The following SLC35F1 variants were observed in gnomAD, a reference collection of about 807,000 sequenced individuals.
SLC35F1 encodes the protein chromosome 6 open reading frame 169.
SLC35F1 carries 14 observed loss-of-function variants against 48.7 expected under a neutral mutation model. The observed-to-expected ratio is 0.29, with a 90% confidence interval of 0.19 to 0.45. The LOEUF is 0.45. SLC35F1 is among the 20% of genes least tolerant of loss of function. The probability of loss-of-function intolerance (pLI) is 1.00; values close to 1 mark genes in which losing one functional copy is unlikely to be tolerated. For missense variants in SLC35F1, 404 were observed against 500.0 expected (o/e 0.81, Z 1.83); for synonymous variants, 190 against 202.2 (o/e 0.94, Z 0.51).
chr6:118,183,485 TATA>T (rs906834648), intron 2 of SLC35F1, among the ~76,000 whole-genome samples: 5 of 151,700 alleles, frequency 3.3e-5, no homozygotes, highest in Non-Finnish European at 7.4e-5. Context: ...AAACTTAAAG[TATA>T]ATAATAATAA....
chr6:118,172,923 G>A (rs376075050), intron 2 of SLC35F1, among the ~76,000 whole-genome samples: 54 of 152,210 alleles, frequency 3.5e-4, no homozygotes, highest in African/African-American at 1.1e-3. Context: ...CAACTTGGAT[G>A]AACATTGACA....
At chr6:117,984,078 A>G (rs1776817055) in intron 1 of SLC35F1, among the ~76,000 whole-genome samples, 1 of 152,218 alleles carries the variant, frequency 6.6e-6, no homozygotes, top group African/African-American at 2.4e-5. Flanking sequence ...TTTACTTTGA[A>G]AAAACTCCTT....
At chr6:118,261,849 C>A (rs942079630) in intron 3 of SLC35F1, among the ~76,000 whole-genome samples, 1 of 152,128 alleles carries the variant, frequency 6.6e-6, no homozygotes, top group Non-Finnish European at 1.5e-5. Context: ...CCCTCTGGGG[C>A]TGGGATGTGC....
At chr6:117,917,909 T>G (rs1364439377) in intron 1 of SLC35F1, among the ~76,000 whole-genome samples, 1 of 151,974 alleles carries the variant, frequency 6.6e-6, no homozygotes, top group Non-Finnish European at 1.5e-5. Flanking sequence ...GCAAAGGAAC[T>G]GGAGAAGGAA....
At position 118,193,253 on chromosome 6, in the gene SLC35F1, C is replaced by T. The variant is rs367688813; in HGVS notation, c.349+38633C>T. Among the ~76,000 whole-genome samples, 4 of 152,218 alleles carry T rather than the reference C, an allele frequency of 2.6e-5. No homozygotes were observed. The East Asian group carries it at 7.7e-4, about 29-fold the overall frequency. Reference sequence around the variant, plus strand: ...TCTATCTAATCTTAATCAGTTTGACCATAAGGTCAAAAGGTTTATTCTCAT... The same window carrying T: ...TCTATCTAATCTTAATCAGTTTGACTATAAGGTCAAAAGGTTTATTCTCAT... On this transcript the variant is annotated intron_variant, in intron 2 of 7. Coordinates refer to ENST00000360388, the MANE Select transcript of SLC35F1 (RefSeq NM_001029858.4).
chr6:118,031,551 C>G (rs1029279527), intron 1 of SLC35F1, among the ~76,000 whole-genome samples: 1 of 152,134 alleles, frequency 6.6e-6, no homozygotes, highest in Non-Finnish European at 1.5e-5. Flanking sequence ...AGGGGAGCCC[C>G]AAAGTGGGGC....
At chr6:118,114,528 C>G (rs1051046602) in intron 1 of SLC35F1, among the ~76,000 whole-genome samples, 4 of 148,548 alleles carry the variant, frequency 2.7e-5, no homozygotes, top group African/African-American at 9.9e-5. Flanking sequence ...GGCCCGCCAC[C>G]ACGCCCAGCT....
At chr6:118,169,111 T>A (rs1280099904) in intron 2 of SLC35F1, among the ~76,000 whole-genome samples, 1 of 152,210 alleles carries the variant, frequency 6.6e-6, no homozygotes, top group African/African-American at 2.4e-5. Context: ...GAGGAGTAAA[T>A]TAATGGTGCC....
chr6:118,015,081 C>A (rs1777302199), intron 1 of SLC35F1, among the ~76,000 whole-genome samples: 1 of 152,200 alleles, frequency 6.6e-6, no homozygotes, highest in Admixed American at 6.5e-5. Context: ...ACCCCTTTTG[C>A]TTGGCTCTCA....
chr6:118,230,835 T>C (rs1296677987), intron 2 of SLC35F1, among the ~76,000 whole-genome samples: 1 of 151,882 alleles, frequency 6.6e-6, no homozygotes, highest in East Asian at 1.9e-4. Context: ...AATGCAAAAA[T>C]TAGCTGGGCT....
chr6:118,280,864 T>C (rs1360367338), intron 6 of SLC35F1, among the ~76,000 whole-genome samples: 2 of 141,204 alleles, frequency 1.4e-5, no homozygotes, highest in African/African-American at 5.0e-5. Flanking sequence ...AGCAAGAGTC[T>C]GTCCCAAAAA....
chr6:117,923,658 T>TACGTATGTACATATAC (rs1491430193), intron 1 of SLC35F1, among the ~76,000 whole-genome samples: 1 of 71,468 alleles, frequency 1.4e-5, no homozygotes, highest in African/African-American at 5.6e-5. Context: ...TATGTACATA[T>TACGTATGTACATATAC]GTATATATAC....
intron 3 of SLC35F1, among the ~76,000 whole-genome samples, chr6:118,253,707 G>A (rs1775604910): frequency 6.6e-6 from 1 of 152,066 alleles, no homozygotes; most frequent in South Asian, 2.1e-4. Flanking sequence ...AATTCAAGGA[G>A]AGAGTGGTTA....
intron 6 of SLC35F1, among the ~76,000 whole-genome samples, chr6:118,278,964 T>C (rs1775949887): frequency 6.6e-6 from 1 of 152,206 alleles, no homozygotes; most frequent in Admixed American, 6.5e-5. Flanking sequence ...TATTCTGAGC[T>C]CTCATATTGC....
intron 1 of SLC35F1, among the ~76,000 whole-genome samples, chr6:117,976,079 T>C (rs1400942270): frequency 2.6e-5 from 4 of 152,234 alleles, no homozygotes; most frequent in African/African-American, 7.2e-5. Flanking sequence ...ATGTTGAAAA[T>C]CTAAATAATC....
intron 1 of SLC35F1, among the ~76,000 whole-genome samples, chr6:118,039,652 A>G (rs1772182725): frequency 6.6e-6 from 1 of 151,624 alleles, no homozygotes; most frequent in Non-Finnish European, 1.5e-5. Flanking sequence ...AAAAAATTGC[A>G]TGCATTGTAT....
chr6:118,203,104 C>T (rs1774891499), intron 2 of SLC35F1, among the ~76,000 whole-genome samples: 1 of 152,224 alleles, frequency 6.6e-6, no homozygotes, highest in Admixed American at 6.5e-5. Flanking sequence ...TGCTCTCACA[C>T]AGCAGTCAAG....
chr6:118,230,660 A>G (rs1775280741), intron 2 of SLC35F1, among the ~76,000 whole-genome samples: 1 of 152,178 alleles, frequency 6.6e-6, no homozygotes, highest in African/African-American at 2.4e-5. Flanking sequence ...ATGTGAACCA[A>G]AACAGGAGCC....
intron 2 of SLC35F1, among the ~76,000 whole-genome samples, chr6:118,164,365 A>G (rs1774284634): frequency 6.6e-6 from 1 of 152,180 alleles, no homozygotes; most frequent in Non-Finnish European, 1.5e-5. Flanking sequence ...GACAATGTCT[A>G]TCTTTAAGAC....
Sources: allele counts gnomAD v4.1 joint callset (sites outside exome capture counted in the v4.1 genomes callset), GRCh38; gene constraint gnomAD v4.1.1; transcripts MANE v1.5; gene names NCBI Gene and HGNC (gene_info 2026-07-23, HGNC 2026-07-21).